PABPC4L: variants seen among roughly 807,000 people sequenced by gnomAD.
PABPC4L encodes the protein poly(A) binding protein cytoplasmic 4 like.
For synonymous variants in PABPC4L, 169 were observed against 164.1 expected, an observed-to-expected ratio of 1.03 and a Z score of -0.23; for missense variants, 452 against 451.4, an observed-to-expected ratio of 1.00 and a Z score of -0.01.
At chr4:134,047,567 C>T in the PABPC4L span, among the ~76,000 whole-genome samples, 22,156 of 152,068 alleles carry the variant, frequency 0.15, 1,957 homozygotes, top group Non-Finnish European at 0.19. Context: ...TTTACTTTAT[C>T]AAATTAAGAA....
chr4:133,975,918 CT>C, the PABPC4L span, among the ~76,000 whole-genome samples: 1 of 152,138 alleles, frequency 6.6e-6, no homozygotes, highest in Non-Finnish European at 1.5e-5. Context: ...CACACTCTCT[CT>C]CTTTCTGTCT....
chr4:134,119,955 C>A, the PABPC4L span, among the ~76,000 whole-genome samples: 1 of 151,526 alleles, frequency 6.6e-6, no homozygotes, highest in Non-Finnish European at 1.5e-5. Context: ...CATTTTTAAT[C>A]CATTTTAACC....
the PABPC4L span, among the ~76,000 whole-genome samples, chr4:133,975,330 G>A: frequency 6.6e-6 from 1 of 152,056 alleles, no homozygotes; most frequent in Non-Finnish European, 1.5e-5. Flanking sequence ...GCTGCAGACT[G>A]GGGGAAGGGG....
chr4:134,093,928 ATGTATTTG>A, the PABPC4L span, among the ~76,000 whole-genome samples: 1 of 151,354 alleles, frequency 6.6e-6, no homozygotes, highest in Non-Finnish European at 1.5e-5. Flanking sequence ...ATGTGTATTT[ATGTATTTG>A]TAATATATAT....
the PABPC4L span, among the ~76,000 whole-genome samples, chr4:134,025,433 A>G: frequency 6.6e-6 from 1 of 152,062 alleles, no homozygotes; most frequent in Non-Finnish European, 1.5e-5. Flanking sequence ...GAAGGGTAGA[A>G]TATACCTATT....
chr4:134,168,812 T>C, the PABPC4L span, among the ~76,000 whole-genome samples: 2 of 152,008 alleles, frequency 1.3e-5, no homozygotes, highest in African/African-American at 4.8e-5. Flanking sequence ...ATCTGATGAT[T>C]TCTCAGCTGA....
the PABPC4L span, among the ~76,000 whole-genome samples, chr4:134,158,163 A>G: frequency 1.3e-5 from 2 of 151,926 alleles, no homozygotes; most frequent in Admixed American, 6.6e-5. Context: ...TCTGATTTGA[A>G]GTAATATCTT....
Position 134,200,879 on chromosome 4 carries a change from G to A in PABPC4L, c.141C>T (p.Thr47=). The A allele has an allele frequency of 1.3e-6, 2 of 1,561,556 alleles. No homozygotes were observed. The highest frequency in any genetic ancestry group is 1.7e-6 in the Non-Finnish European group (2 of 1,152,494). ...LSIRICRDQV[T]RRSLGYAYVN... ...CGTAGGCATAGCCCAGAGAGCGGCG[G>A]GTGACCTGGTCCCTGCAAATGCGGA... The change falls in exon 2 of 2, where the codon ACC becomes ACT. Residue 47 remains threonine (T), a synonymous_variant. Transcript: ENST00000421491.
the PABPC4L span, among the ~76,000 whole-genome samples, chr4:133,980,700 T>C: frequency 3.1e-4 from 47 of 152,254 alleles, no homozygotes; most frequent in Non-Finnish European, 4.9e-4. Flanking sequence ...CTCCAATGAG[T>C]TAACAGGAAA....
At chr4:133,952,070 A>G in the PABPC4L span, among the ~76,000 whole-genome samples, 7 of 152,172 alleles carry the variant, frequency 4.6e-5, no homozygotes, top group East Asian at 1.9e-4. Flanking sequence ...GAAACTAAGC[A>G]AGCTTATGGT....
the PABPC4L span, among the ~76,000 whole-genome samples, chr4:134,029,597 T>A: frequency 6.6e-6 from 1 of 152,116 alleles, no homozygotes; most frequent in Non-Finnish European, 1.5e-5. Context: ...CTTTTAAAAA[T>A]ATTTAATAAT....
the PABPC4L span, among the ~76,000 whole-genome samples, chr4:134,129,500 T>G: frequency 6.6e-6 from 1 of 151,956 alleles, no homozygotes; most frequent in South Asian, 2.1e-4. Flanking sequence ...GGAATAAAAT[T>G]GGACATGAAC....
At chr4:134,075,685 TTTAA>T in the PABPC4L span, among the ~76,000 whole-genome samples, 1 of 152,098 alleles carries the variant, frequency 6.6e-6, no homozygotes, top group Non-Finnish European at 1.5e-5. Flanking sequence ...CAGATTCCAG[TTTAA>T]TTTTCTTTTT....
the PABPC4L span, among the ~76,000 whole-genome samples, chr4:134,003,440 G>A: frequency 6.6e-5 from 10 of 151,800 alleles, no homozygotes; most frequent in South Asian, 1.9e-3. Flanking sequence ...CCAAAGGCAG[G>A]GCTTTTGTCT....
the PABPC4L span, among the ~76,000 whole-genome samples, chr4:133,972,911 A>C: frequency 6.6e-6 from 1 of 152,254 alleles, no homozygotes; most frequent in East Asian, 1.9e-4. Context: ...GTTTGGCAGT[A>C]ATTGTTATAA....
chr4:134,098,646 A>G, the PABPC4L span, among the ~76,000 whole-genome samples: 1 of 151,716 alleles, frequency 6.6e-6, no homozygotes, highest in Non-Finnish European at 1.5e-5. Context: ...ATGGGGTCTT[A>G]TGAACATATA....
the PABPC4L span, among the ~76,000 whole-genome samples, chr4:134,006,618 T>C: frequency 6.6e-6 from 1 of 151,886 alleles, no homozygotes; most frequent in Non-Finnish European, 1.5e-5. Flanking sequence ...TGGGTAGGCT[T>C]AGTGGGGTAG....
the PABPC4L span, among the ~76,000 whole-genome samples, chr4:133,986,455 A>C: frequency 6.6e-6 from 1 of 151,914 alleles, no homozygotes; most frequent in African/African-American, 2.4e-5. Context: ...ATTTGTTTGC[A>C]TTTTTTTCCC....
the PABPC4L span, among the ~76,000 whole-genome samples, chr4:134,061,690 A>G: frequency 6.6e-6 from 1 of 151,664 alleles, no homozygotes; most frequent in African/African-American, 2.4e-5. Context: ...TCCCCTCTGT[A>G]TACTTCAAAA....
Sources: allele counts gnomAD v4.1 joint callset (sites outside exome capture counted in the v4.1 genomes callset), GRCh38; gene constraint gnomAD v4.1.1; transcripts MANE v1.5; gene names NCBI Gene and HGNC (gene_info 2026-07-23, HGNC 2026-07-21).